NRXN3: variants seen among roughly 807,000 people sequenced by gnomAD.
NRXN3 encodes the protein neurexin III.
Under a neutral mutation model 137.6 loss-of-function variants are expected in NRXN3, and 32 were observed. That is an observed-to-expected ratio of 0.23 (90% CI 0.18 to 0.31). The LOEUF is 0.31. Ranked by LOEUF, NRXN3 falls within the 10% of genes least tolerant of loss-of-function variation. NRXN3 has a pLI of 1.00. For missense variants in NRXN3, 1,574 were observed against 2,062.5 expected, an observed-to-expected ratio of 0.76 and a Z score of 4.59; for synonymous variants, 798 against 784.5, an observed-to-expected ratio of 1.02 and a Z score of -0.29.
intron 15 of NRXN3, among the ~76,000 whole-genome samples, chr14:79,047,934 C>A (rs1268687874): frequency 6.6e-6 from 1 of 151,940 alleles, no homozygotes. Flanking sequence ...ACATATTTAT[C>A]CAAAAGAAAT....
At chr14:78,738,449 C>G (rs551250062) in intron 8 of NRXN3, among the ~76,000 whole-genome samples, 1 of 152,304 alleles carries the variant, frequency 6.6e-6, no homozygotes, top group Non-Finnish European at 1.5e-5. Context: ...CCCTCCCCTC[C>G]CATTTACCTC....
chr14:79,640,103 A>G (rs2098425195), intron 16 of NRXN3, among the ~76,000 whole-genome samples: 1 of 135,738 alleles, frequency 7.4e-6, no homozygotes, highest in South Asian at 2.3e-4. Flanking sequence ...AAGGAAATGA[A>G]GAGAAAATTT....
At chr14:78,731,193 C>A (rs1213733156) in intron 8 of NRXN3, among the ~76,000 whole-genome samples, 1 of 152,058 alleles carries the variant, frequency 6.6e-6, no homozygotes. Context: ...TTTGGTAGGA[C>A]TGTTATTCTG....
rs2075403736 is a variant in NRXN3, at chr14:79,247,857, C to T, written c.3263-219364C>T. 2.0e-5 allele frequency among the ~76,000 whole-genome samples: 3 copies of T among 151,880 alleles called. No individual in the cohort carries two copies. In the South Asian group the frequency reaches 6.2e-4, roughly 32 times the overall value. Reference sequence around the variant, plus strand: ...ACCTCTATTCTTCTGCATCACAAGACCTTACATTGTGTGTGTTTACTGGCC... The same window carrying T: ...ACCTCTATTCTTCTGCATCACAAGATCTTACATTGTGTGTGTTTACTGGCC... On this transcript the variant is annotated intron_variant, in intron 15 of 20. Transcript: ENST00000335750.
intron 15 of NRXN3, among the ~76,000 whole-genome samples, chr14:79,342,167 GAC>G (rs2092642302): frequency 1.3e-5 from 2 of 152,174 alleles, no homozygotes; most frequent in Non-Finnish European, 2.9e-5. Flanking sequence ...CACACTTTGT[GAC>G]AGTTTTTAAG....
intron 4 of NRXN3, among the ~76,000 whole-genome samples, chr14:78,623,117 G>T (rs1455190881): frequency 6.6e-6 from 1 of 152,180 alleles, no homozygotes; most frequent in African/African-American, 2.4e-5. Flanking sequence ...TTCTAAGGAA[G>T]GTTGAGATTC....
intron 8 of NRXN3, among the ~76,000 whole-genome samples, chr14:78,799,862 A>T (rs1445802038): frequency 1.3e-5 from 2 of 152,066 alleles, no homozygotes; most frequent in Non-Finnish European, 2.9e-5. Context: ...TGAGAGCAGT[A>T]TGGGGGAAAC....
rs2099331284 is a variant in NRXN3 at position 78,934,960 on chromosome 14, TAATAATA to T, written c.2276-22280_2276-22274del. On this transcript the variant is annotated intron_variant, in intron 10 of 20. Transcript: ENST00000335750. ...ATGTACCCTAAAACTTAAAGTGTAA[TAATAATA>T]ATAATAATAATAATAAAAGAAGAAA... is the stretch of plus-strand genomic sequence containing the variant. Among the ~76,000 whole-genome samples the T allele has an allele frequency of 4.5e-5, 4 of 89,162 alleles. No individual in the cohort carries two copies. The South Asian group carries it at 1.6e-3, about 37-fold the overall frequency. The allele number at this position is 89,162 out of a possible 152,430, so 58.5% of individuals were successfully genotyped here.
At chr14:78,879,412 T>A (rs2099122153) in intron 10 of NRXN3, among the ~76,000 whole-genome samples, 1 of 152,224 alleles carries the variant, frequency 6.6e-6, no homozygotes. Context: ...TAATAGCTAA[T>A]CTATAGCTAG....
chr14:79,774,517 T>C (rs961581438), intron 19 of NRXN3, among the ~76,000 whole-genome samples: 8 of 152,132 alleles, frequency 5.3e-5, no homozygotes, highest in African/African-American at 1.9e-4. Flanking sequence ...GGAAGAACAA[T>C]GATTAAACTA....
At chr14:79,285,494 G>A (rs1566671466) in intron 15 of NRXN3, among the ~76,000 whole-genome samples, 1 of 152,142 alleles carries the variant, frequency 6.6e-6, no homozygotes, top group East Asian at 1.9e-4. Context: ...AAATTTGTTT[G>A]CTCAAGGCTC....
chr14:78,267,305 A>G (rs1297469332), intron 2 of NRXN3, among the ~76,000 whole-genome samples: 1 of 152,236 alleles, frequency 6.6e-6, no homozygotes, highest in Admixed American at 6.5e-5. Flanking sequence ...CAATATTGGC[A>G]TTTGAGCTCA....
intron 4 of NRXN3, among the ~76,000 whole-genome samples, chr14:78,540,179 ATTGAT>A (rs1320062187): frequency 6.6e-6 from 1 of 152,036 alleles, no homozygotes; most frequent in Non-Finnish European, 1.5e-5. Context: ...CTTCTGTCTT[ATTGAT>A]TTGTCTAATA....
At chr14:79,720,829 G>T (rs2098842007) in intron 19 of NRXN3, among the ~76,000 whole-genome samples, 1 of 152,032 alleles carries the variant, frequency 6.6e-6, no homozygotes, top group Admixed American at 6.6e-5. Flanking sequence ...CTTGTCTTTA[G>T]AGAATTAGGG....
At chr14:78,259,441 C>T (rs905434344) in intron 2 of NRXN3, among the ~76,000 whole-genome samples, 7 of 151,984 alleles carry the variant, frequency 4.6e-5, no homozygotes, top group South Asian at 2.1e-4. Flanking sequence ...GAGGGTCTGG[C>T]GTAGAACTCT....
chr14:79,329,226 C>T (rs141419248), intron 15 of NRXN3, among the ~76,000 whole-genome samples: 19 of 152,152 alleles, frequency 1.2e-4, no homozygotes, highest in Middle Eastern at 3.4e-3. Flanking sequence ...CTTCTACTCC[C>T]GGGGTATTGT....
At chr14:79,473,998 T>C (rs571197322) in intron 16 of NRXN3, among the ~76,000 whole-genome samples, 1 of 152,298 alleles carries the variant, frequency 6.6e-6, no homozygotes. Flanking sequence ...TTCTCAGATC[T>C]CTATTATTCC....
chr14:78,788,246 T>C (rs540186086), intron 8 of NRXN3, among the ~76,000 whole-genome samples: 92 of 133,460 alleles, frequency 6.9e-4, no homozygotes, highest in Admixed American at 3.7e-3. Flanking sequence ...AACACATATG[T>C]ACATGCATAT....
At chr14:79,273,690 C>G (rs939574062) in intron 15 of NRXN3, among the ~76,000 whole-genome samples, 1 of 151,930 alleles carries the variant, frequency 6.6e-6, no homozygotes, top group Non-Finnish European at 1.5e-5. Context: ...TTTTGTGTGT[C>G]GGGTACTATT....
Sources: allele counts gnomAD v4.1 joint callset (sites outside exome capture counted in the v4.1 genomes callset), GRCh38; gene constraint gnomAD v4.1.1; transcripts MANE v1.5; gene names NCBI Gene and HGNC (gene_info 2026-07-23, HGNC 2026-07-21).